PPFIA1: variants seen among roughly 807,000 people sequenced by gnomAD.
The protein encoded by PPFIA1 is liprin-alpha-1.
A neutral mutation model predicts 149.9 loss-of-function variants in PPFIA1; 25 were observed. The ratio of observed to expected loss-of-function variants is 0.17; its 90% CI spans 0.12 to 0.23. The LOEUF (loss-of-function observed/expected upper bound fraction) is 0.23. Ranked by LOEUF, PPFIA1 falls within the 10% of genes least tolerant of loss-of-function variation. PPFIA1 has a pLI of 1.00. For missense variants in PPFIA1, 1,362 were observed against 1,506.5 expected, an observed-to-expected ratio of 0.90 and a Z score of 1.59; for synonymous variants, 549 against 552.8, an observed-to-expected ratio of 0.99 and a Z score of 0.10.
At chr11:70,322,110 C>T (rs913913542) in intron 2 of PPFIA1, among the ~76,000 whole-genome samples, 1 of 152,184 alleles carries the variant, frequency 6.6e-6, no homozygotes, top group Non-Finnish European at 1.5e-5. Context: ...AACTCCCGAC[C>T]TCAGGTGATC....
intron 2 of PPFIA1, among the ~76,000 whole-genome samples, chr11:70,318,320 A>G (rs1008905687): frequency 4.6e-5 from 7 of 152,200 alleles, no homozygotes; most frequent in Non-Finnish European, 8.8e-5. Context: ...TCAGAAAAGA[A>G]GTTCCACCAA....
At chr11:70,339,418 C>T (rs1591272114) in intron 14 of PPFIA1, 112 bp downstream of exon 14, 2 of 1,233,990 alleles carry the variant, frequency 1.6e-6, no homozygotes, top group East Asian at 2.5e-5. Context: ...TTCTTGCCCT[C>T]CTCTCATTTT....
intron 11 of PPFIA1, 90 bp from the exon 12 acceptor site, chr11:70,337,275 G>T: frequency 1.1e-6 from 1 of 877,078 alleles, no homozygotes; most frequent in Non-Finnish European, 1.7e-6. Flanking sequence ...CCCTTTGTGT[G>T]GTCCTTTTTT....
At chr11:70,373,733 T>C (rs1380693311) in intron 23 of PPFIA1, 5 of 152,164 alleles carry the variant, frequency 3.3e-5, no homozygotes. Flanking sequence ...CTAAGTGCTG[T>C]TTTCATCCCC....
chr11:70,354,181 C>CT, intron 16 of PPFIA1, 120 bp from the exon 17 acceptor site: 1 of 1,076,134 alleles, frequency 9.3e-7, no homozygotes, highest in South Asian at 1.6e-5. Flanking sequence ...TGAAACAAGA[C>CT]TTTCTGTGCT....
At chr11:70,332,631 C>T (rs915919880) in intron 9 of PPFIA1, among the ~76,000 whole-genome samples, 2 of 152,152 alleles carry the variant, frequency 1.3e-5, no homozygotes, top group Admixed American at 1.3e-4. Flanking sequence ...GACACAGTCC[C>T]TCCAAGTTCT....
At chr11:70,362,524 C>T in intron 21 of PPFIA1, 36 bp downstream of exon 21, 1 of 1,538,528 alleles carries the variant, frequency 6.5e-7, no homozygotes, top group Non-Finnish European at 8.8e-7. Flanking sequence ...TCTTTGGAAA[C>T]AGGGAATGCC....
chr11:70,361,934 A>T (rs2056671686), intron 19 of PPFIA1, among the ~76,000 whole-genome samples, 161 bp from the exon 20 acceptor site: 1 of 151,224 alleles, frequency 6.6e-6, no homozygotes, highest in Non-Finnish European at 1.5e-5. Context: ...AAATTTTTAA[A>T]ATTTTTTGTA....
At chr11:70,378,398 A>G (rs1305445346) in intron 26 of PPFIA1, 1 of 1,292,650 alleles carries the variant, frequency 7.7e-7, no homozygotes, top group East Asian at 3.0e-5. Flanking sequence ...TTTTTAAAAC[A>G]CGCTTGTCTG....
intron 2 of PPFIA1, among the ~76,000 whole-genome samples, chr11:70,274,265 G>A (rs1490355335): frequency 6.6e-6 from 1 of 152,166 alleles, no homozygotes; most frequent in East Asian, 1.9e-4. Flanking sequence ...AAGTTAGAGT[G>A]TACTTAAAAA....
chr11:70,321,399 G>A (rs548468415), intron 2 of PPFIA1: 2 of 152,198 alleles, frequency 1.3e-5, no homozygotes, highest in Admixed American at 1.3e-4. Context: ...CGATGAGCCC[G>A]AGACCCCAAT....
chr11:70,286,953 CTATATA>C (rs1555081003), intron 2 of PPFIA1, among the ~76,000 whole-genome samples: 1 of 147,292 alleles, frequency 6.8e-6, no homozygotes, highest in Non-Finnish European at 1.5e-5. Flanking sequence ...TACACATATA[CTATATA>C]TATACATATA....
At chr11:70,306,130 CT>C (rs1410863098) in intron 2 of PPFIA1, among the ~76,000 whole-genome samples, 3 of 152,094 alleles carry the variant, frequency 2.0e-5, no homozygotes, top group Non-Finnish European at 4.4e-5. Context: ...TGACCTTTTT[CT>C]TTTGGAGTAA....
At chr11:70,369,531 GTTAT>G (rs111747405) in intron 21 of PPFIA1, among the ~76,000 whole-genome samples, 26,555 of 151,630 alleles carry the variant, frequency 0.18, 2,995 homozygotes, top group African/African-American at 0.31. Flanking sequence ...TAGAATCGTG[GTTAT>G]TTATTTATTT....
intron 15 of PPFIA1, among the ~76,000 whole-genome samples, 154 bp from the exon 16 acceptor site, chr11:70,348,035 G>A (rs1244686576): frequency 6.6e-6 from 1 of 152,166 alleles, no homozygotes; most frequent in Non-Finnish European, 1.5e-5. Context: ...AATTTAAAAA[G>A]AGTAGAACAT....
intron 2 of PPFIA1, among the ~76,000 whole-genome samples, chr11:70,297,299 C>T (rs779119187): frequency 1.3e-5 from 2 of 152,032 alleles, no homozygotes; most frequent in Non-Finnish European, 2.9e-5. Context: ...GTCCCAGCTA[C>T]TCAGGAGGCT....
At position 70,331,876 on chromosome 11, in the gene PPFIA1, C is replaced by T; in HGVS notation, c.1078-84C>T. ...CCATCATGACTCTCTTAGTCTGTAT[C>T]TGCATTTCAGTTTGTTTCAATCTGT... On this transcript the variant is annotated intron_variant, in intron 8 of 27. Transcript: ENST00000253925. The T allele has an allele frequency of 4.2e-6, 6 of 1,442,612 alleles. No homozygotes were observed. The South Asian group carries it at 6.9e-5, about 17-fold the overall frequency. The allele number at this position is 1,442,612 out of a possible 1,614,324, so 89.4% of individuals were successfully genotyped here. A position where few individuals can be genotyped will look rare whatever the true frequency, so the allele number is the denominator to read the frequency against.
At chr11:70,293,131 C>T (rs951109414) in intron 2 of PPFIA1, among the ~76,000 whole-genome samples, 1 of 152,234 alleles carries the variant, frequency 6.6e-6, no homozygotes, top group African/African-American at 2.4e-5. Flanking sequence ...AGTGATGCAT[C>T]CTAGAATGAT....
chr11:70,355,403 G>A (rs567017247), intron 17 of PPFIA1, among the ~76,000 whole-genome samples: 11 of 152,288 alleles, frequency 7.2e-5, no homozygotes, highest in African/African-American at 2.6e-4. Flanking sequence ...CTGATGGCGC[G>A]GAGTCAGGGC....
Sources: gnomAD v4.1 joint callset for allele counts (sites outside exome capture counted in the v4.1 genomes callset) on GRCh38, gnomAD v4.1.1 for gene constraint, MANE v1.5 for transcripts, NCBI Gene and HGNC (gene_info 2026-07-23, HGNC 2026-07-21) for gene names.